H2BN1: variants seen among roughly 807,000 people sequenced by gnomAD.
H2BN1 encodes H2B.N variant histone 1.
chr17:32,898,431 G>C, the H2BN1 span, among the ~76,000 whole-genome samples: 1 of 152,194 alleles, frequency 6.6e-6, no homozygotes, highest in African/African-American at 2.4e-5. Context: ...GAGGCAATCA[G>C]ATATGTATAT....
chr17:32,903,664 A>G, the H2BN1 span, among the ~76,000 whole-genome samples: 1 of 152,232 alleles, frequency 6.6e-6, no homozygotes, highest in Non-Finnish European at 1.5e-5. Flanking sequence ...GAAGAGAAAA[A>G]TAGCGAAAAA....
chr17:32,897,854 A>G, the H2BN1 span, among the ~76,000 whole-genome samples: 1 of 152,240 alleles, frequency 6.6e-6, no homozygotes, highest in African/African-American at 2.4e-5. Flanking sequence ...AGATTGAGAA[A>G]TGTCAAAGTA....
the H2BN1 span, among the ~76,000 whole-genome samples, chr17:32,905,131 C>G: frequency 0.015 from 2,275 of 152,292 alleles, 49 homozygotes; most frequent in African/African-American, 0.05. Context: ...AACTCCTCTT[C>G]CCTGCCGAGA....
At chr17:32,897,358 T>TATACACACAC in the H2BN1 span, among the ~76,000 whole-genome samples, 1 of 123,952 alleles carries the variant, frequency 8.1e-6, no homozygotes, top group African/African-American at 3.1e-5. Flanking sequence ...CTCTCTGTCT[T>TATACACACAC]ACACACACAC....
chr17:32,904,049 G>A, the H2BN1 span, among the ~76,000 whole-genome samples: 2 of 152,282 alleles, frequency 1.3e-5, no homozygotes, highest in Non-Finnish European at 2.9e-5. Flanking sequence ...GTTTTTATAC[G>A]TGTTTCCTGG....
the H2BN1 span, among the ~76,000 whole-genome samples, chr17:32,904,596 AAACTC>A: frequency 1.3e-5 from 2 of 152,182 alleles, no homozygotes; most frequent in Non-Finnish European, 2.9e-5. Context: ...ATGACTCTTG[AAACTC>A]AACAAAGAAA....
the H2BN1 span, among the ~76,000 whole-genome samples, chr17:32,898,317 AGTC>A: frequency 6.6e-6 from 1 of 152,204 alleles, no homozygotes; most frequent in Non-Finnish European, 1.5e-5. Context: ...AGACAACTTG[AGTC>A]GAAGGCAGGA....
At chr17:32,903,075 A>C in the H2BN1 span, among the ~76,000 whole-genome samples, 22,608 of 152,018 alleles carry the variant, frequency 0.15, 2,102 homozygotes, top group Middle Eastern at 0.3. Flanking sequence ...CTTGTTACAT[A>C]AACTTGAAAG....
chr17:32,899,985 G>A, the H2BN1 span, among the ~76,000 whole-genome samples: 2 of 152,190 alleles, frequency 1.3e-5, no homozygotes, highest in African/African-American at 4.8e-5. Context: ...GAGCTTTATG[G>A]TTGTTTATAA....
the H2BN1 span, among the ~76,000 whole-genome samples, chr17:32,897,301 C>T: frequency 6.6e-6 from 1 of 151,604 alleles, no homozygotes; most frequent in East Asian, 1.9e-4. Context: ...TCTCTCCTCC[C>T]TCTCCCTCTC....
chr17:32,896,133 C>G, the H2BN1 span, among the ~76,000 whole-genome samples: 1 of 152,204 alleles, frequency 6.6e-6, no homozygotes, highest in Admixed American at 6.5e-5. Flanking sequence ...CCAGGCTGGT[C>G]TTGAACTCCT....
At chr17:32,902,045 T>C in the H2BN1 span, among the ~76,000 whole-genome samples, 1 of 152,156 alleles carries the variant, frequency 6.6e-6, no homozygotes, top group Non-Finnish European at 1.5e-5. Flanking sequence ...AAACCATCAG[T>C]TATTTTACTT....
At chr17:32,897,113 G>C in the H2BN1 span, among the ~76,000 whole-genome samples, 3 of 152,294 alleles carry the variant, frequency 2.0e-5, no homozygotes, top group South Asian at 6.2e-4. Context: ...TTGGATAAAT[G>C]TATTGAGTGT....
the H2BN1 span, among the ~76,000 whole-genome samples, chr17:32,902,186 T>C: frequency 6.6e-6 from 1 of 152,214 alleles, no homozygotes; most frequent in Non-Finnish European, 1.5e-5. Context: ...TTTATCTTGT[T>C]TTATACATAA....
the H2BN1 span, among the ~76,000 whole-genome samples, chr17:32,901,226 A>T: frequency 3.3e-4 from 50 of 151,930 alleles, no homozygotes; most frequent in East Asian, 1.9e-4. Context: ...TTTTTTTTTT[A>T]AATCTTGACC....
the H2BN1 span, among the ~76,000 whole-genome samples, chr17:32,896,049 C>T: frequency 3.3e-5 from 5 of 151,518 alleles, no homozygotes; most frequent in African/African-American, 4.9e-5. Flanking sequence ...AAGCCCACGC[C>T]ACCATGCCTA....
At chr17:32,905,605 G>A in the H2BN1 span, 1 of 152,134 alleles carries the variant, frequency 6.6e-6, no homozygotes, top group African/African-American at 2.4e-5. Context: ...AGTCTCAGGA[G>A]GCTCTGATGA....
At chr17:32,902,796 C>T in the H2BN1 span, among the ~76,000 whole-genome samples, 7 of 151,414 alleles carry the variant, frequency 4.6e-5, no homozygotes, top group African/African-American at 7.3e-5. Flanking sequence ...GCCGGGATTG[C>T]GCCACTGCAC....
the H2BN1 span, among the ~76,000 whole-genome samples, chr17:32,902,569 A>C: frequency 6.6e-6 from 1 of 152,206 alleles, no homozygotes; most frequent in Non-Finnish European, 1.5e-5. Flanking sequence ...GGCTGGGTGC[A>C]GTGGCTCACG....
Sources: allele counts gnomAD v4.1 joint callset (sites outside exome capture counted in the v4.1 genomes callset), GRCh38; gene constraint gnomAD v4.1.1; transcripts MANE v1.5; gene names NCBI Gene and HGNC (gene_info 2026-07-23, HGNC 2026-07-21).